Variants in IGDCC3 observed in about 807,000 individuals in gnomAD.
The protein encoded by IGDCC3 is putative neuronal cell adhesion molecule.
A neutral mutation model predicts 72.0 loss-of-function variants in IGDCC3; 47 were observed. The observed-to-expected ratio is 0.65, with a 90% CI of 0.52 to 0.83. IGDCC3 has a LOEUF of 0.83. IGDCC3 is among the 40% of genes least tolerant of loss of function. The pLI is 0.00. For missense variants in IGDCC3, 1,038 were observed against 1,091.3 expected, an observed-to-expected ratio of 0.95 and a Z score of 0.69; for synonymous variants, 477 against 472.8, an observed-to-expected ratio of 1.01 and a Z score of -0.11.
chr15:65,370,472 C>T (rs1308295915), intron 2 of IGDCC3, among the ~76,000 whole-genome samples: 1 of 146,900 alleles, frequency 6.8e-6, no homozygotes, highest in African/African-American at 2.5e-5. Flanking sequence ...TGAGATTGCA[C>T]CACTGCACTG....
rs1164980096 is a variant in IGDCC3 at position 65,333,296 on chromosome 15, G to A, written c.943C>T (p.Arg315Trp). 6.2e-6 allele frequency: 10 copies of A among 1,612,492 alleles called. No homozygotes were observed. The highest frequency in any genetic ancestry group is 1.7e-5 in the Admixed American group (1 of 59,884). Reference protein sequence around the residue: ...YVCAANRPGTRVRRTAQGRLV... With the variant: ...YVCAANRPGTWVRRTAQGRLV... ...CGGCCCTGTGCCGTTCTCCTCACCC[G>A]GGTGCCAGGTCTGTTGGCTGCACAG... is the stretch of plus-strand genomic sequence containing the variant. The change falls in exon 6 of 14, where the codon CGG becomes TGG. Residue 315 changes from arginine (R) to tryptophan (W), a missense_variant. Arg to Trp is a moderately radical substitution (Grantham distance 101). Coordinates refer to ENST00000327987, the MANE Select transcript of IGDCC3 (RefSeq NM_004884.4).
At chr15:65,370,439 G>T (rs138853012) in intron 2 of IGDCC3, among the ~76,000 whole-genome samples, 12 of 149,476 alleles carry the variant, frequency 8.0e-5, no homozygotes, top group African/African-American at 2.5e-4. Flanking sequence ...GCTTGAACCC[G>T]GGAGGCAGAT....
intron 2 of IGDCC3, among the ~76,000 whole-genome samples, chr15:65,345,594 GCA>G (rs2091118526): frequency 6.7e-6 from 1 of 148,740 alleles, no homozygotes; most frequent in South Asian, 2.1e-4. Context: ...ACACACGCAT[GCA>G]CACACAGACA....
In IGDCC3 at chr15:65,377,728, G is replaced by C; in HGVS notation, c.61C>G (p.Leu21Val). Residue 21 changes from leucine to valine, a missense_variant, in exon 1 of 14, where the codon CTG (leucine) becomes GTG (valine). Leu to Val is a conservative substitution (Grantham distance 32). Transcript: ENST00000327987. The surrounding 1 kb of genome is among the most constrained non-coding windows in gnomAD (Gnocchi z 4.9). ...AGCAGCAGCAACAGCAGCGGCAGCA[G>C]GAGCCGGGGCCAGAGCGGGGCGGGC... ...RPPAPLWPRL[L>V]LPLLLLLLPA... The C allele has an allele frequency of 7.3e-7, 1 of 1,373,520 alleles. No homozygotes were observed. Among genetic ancestry groups the C allele is most frequent in the Non-Finnish European group, 9.4e-7 (1 of 1,066,854 alleles). The allele number at this position is 1,373,520 out of a possible 1,614,324, so 85.1% of individuals were successfully genotyped here.
At chr15:65,347,144 G>T (rs886219441) in intron 2 of IGDCC3, among the ~76,000 whole-genome samples, 1 of 152,204 alleles carries the variant, frequency 6.6e-6, no homozygotes, top group Admixed American at 6.5e-5. Context: ...TCCCGGAAGG[G>T]TGTCTGGTTA....
At chr15:65,333,505 C>A in intron 5 of IGDCC3, 90 bp from the exon 6 acceptor site, 1 of 1,272,796 alleles carries the variant, frequency 7.9e-7, no homozygotes, top group Non-Finnish European at 1.1e-6. Context: ...GCTTGCCCTT[C>A]CTCCTGTCTT....
chr15:65,363,021 G>T (rs901039673), intron 2 of IGDCC3, among the ~76,000 whole-genome samples: 1 of 151,656 alleles, frequency 6.6e-6, no homozygotes, highest in East Asian at 1.9e-4. Context: ...CACCACACCC[G>T]GCTAATTTTT....
chr15:65,361,413 A>G (rs1443192794), intron 2 of IGDCC3, among the ~76,000 whole-genome samples: 14 of 151,792 alleles, frequency 9.2e-5, no homozygotes, highest in South Asian at 2.1e-4. Context: ...CTGCACTCCA[A>G]CCAGGATCAA....
At position 65,328,627 on chromosome 15, in the gene IGDCC3, T is replaced by G; in HGVS notation, c.*282A>C. 1 of 351,788 alleles carries G rather than the reference T, an allele frequency of 2.8e-6. No homozygotes were observed. The highest frequency in any genetic ancestry group is 5.1e-6 in the Non-Finnish European group (1 of 196,766). The allele number at this position is 351,788 out of a possible 1,614,324, so 21.8% of individuals were successfully genotyped here. The stretch of plus-strand genomic sequence containing the variant: ...AAGTTTTGCTTTTTAAAGAAAAATG[T>G]TAGTTCAGTTCCAAGTCATGTGGGT... On this transcript the variant is annotated 3_prime_UTR_variant, in exon 14 of 14. Transcript: ENST00000327987.
chr15:65,342,733 A>G (rs1167538819), intron 2 of IGDCC3, among the ~76,000 whole-genome samples: 1 of 152,206 alleles, frequency 6.6e-6, no homozygotes, highest in African/African-American at 2.4e-5. Flanking sequence ...ACTGATGACG[A>G]GGCCCACATC....
intron 1 of IGDCC3, among the ~76,000 whole-genome samples, chr15:65,376,232 C>T (rs1283903130): frequency 6.6e-6 from 1 of 152,202 alleles, no homozygotes; most frequent in Non-Finnish European, 1.5e-5. Flanking sequence ...TTCCAGCCAA[C>T]CTCTCTGCTC....
chr15:65,355,583 C>CCGGGCCG (rs2091211853), intron 2 of IGDCC3: 1 of 159,668 alleles, frequency 6.3e-6, no homozygotes, highest in Non-Finnish European at 1.4e-5. Context: ...CCACAGCCGA[C>CCGGGCCG]CGGGCCGCGC....
At chr15:65,340,223 C>G (rs2091067743) in intron 2 of IGDCC3, among the ~76,000 whole-genome samples, 1 of 152,150 alleles carries the variant, frequency 6.6e-6, no homozygotes, top group African/African-American at 2.4e-5. Flanking sequence ...GAGGGGAACT[C>G]TCTTCCTGGT....
intron 2 of IGDCC3, among the ~76,000 whole-genome samples, chr15:65,370,544 A>G (rs981771698): frequency 7.0e-6 from 1 of 142,656 alleles, no homozygotes; most frequent in Non-Finnish European, 1.5e-5. Context: ...ATATTTATAT[A>G]TATATGTGTG....
intron 6 of IGDCC3, 101 bp from the exon 7 acceptor site, chr15:65,332,207 G>A: frequency 1.5e-6 from 2 of 1,367,936 alleles, no homozygotes; most frequent in Admixed American, 4.4e-5. Context: ...CACAGGGTGA[G>A]AGGTGGGCTC....
rs200034167 is a variant in IGDCC3 at position 65,328,919 on chromosome 15, G to T, written c.2435C>A (p.Ser812Ter). The T allele has an allele frequency of 5.8e-5, 90 of 1,541,010 alleles. No homozygotes were observed. The East Asian group carries it at 1.6e-3, about 27-fold the overall frequency. ...AAARVTQPAH[S>*]EQ ...CCTGCCAGACACTGGCTACTGTTCC[G>T]AGTGAGCTGGCTGGGTAACCCGGGC... Residue 812 changes from serine to a stop codon, truncating the protein, a stop_gained, in exon 14 of 14, where the codon TCG becomes TAG. Coordinates refer to ENST00000327987, the MANE Select transcript of IGDCC3 (RefSeq NM_004884.4). LOFTEE classifies it high-confidence loss of function.
In IGDCC3 at chr15:65,328,870, C is replaced by A; in HGVS notation, c.*39G>T. On this transcript the variant is annotated 3_prime_UTR_variant, in exon 14 of 14. Transcript: ENST00000327987. ...ATCTTGCTTTTGACCTGAGAATGGGCCCCGCTCCGTCCACCCTCTGGAGCC... is the reference window on the plus strand; with the variant it reads ...ATCTTGCTTTTGACCTGAGAATGGGACCCGCTCCGTCCACCCTCTGGAGCC... 2.7e-6 allele frequency: 4 copies of A among 1,502,194 alleles called. No individual in the cohort carries two copies. Among genetic ancestry groups the A allele is most frequent in the Non-Finnish European group, 3.5e-6 (4 of 1,127,694 alleles). 93.1% of individuals were successfully genotyped at this position (1,502,194 alleles called of 1,614,324 possible).
chr15:65,337,237 C>T (rs2141038417), intron 2 of IGDCC3, among the ~76,000 whole-genome samples: 1 of 152,354 alleles, frequency 6.6e-6, no homozygotes, highest in African/African-American at 2.4e-5. Flanking sequence ...ATCTCATTTG[C>T]ATGTGGTTCA....
rs760018750 is a variant in IGDCC3, at chr15:65,330,602, G to A, written c.1701C>T (p.Thr567=). 8.7e-6 allele frequency: 14 copies of A among 1,613,750 alleles called. No homozygotes were observed. In the East Asian group the frequency reaches 1.8e-4, roughly 21 times the overall value. The change falls in exon 10 of 14, where the codon ACC becomes ACT. Residue 567 remains threonine (T), a synonymous_variant. Coordinates refer to ENST00000327987, the MANE Select transcript of IGDCC3 (RefSeq NM_004884.4). ...CGGTTCCAGGCAGCAGGATGGGGCC[G>A]GTGAAGGAGGTCTTGCTTGCTGGGC... ...FYRPASKTSF[T]GPILLPGTVS... is the part of the protein sequence containing the mutation.
Sources: gnomAD v4.1 joint callset for allele counts (sites outside exome capture counted in the v4.1 genomes callset) on GRCh38, gnomAD v4.1.1 for gene constraint, Gnocchi (gnomAD v3.1) non-coding constraint, MANE v1.5 for transcripts, NCBI Gene and HGNC (gene_info 2026-07-23, HGNC 2026-07-21) for gene names.